The following PPP3CC variants were observed in gnomAD, a reference collection of about 807,000 sequenced individuals.
PPP3CC encodes protein phosphatase 3 catalytic subunit gamma.
In PPP3CC, 35 loss-of-function variants were observed where a neutral mutation model predicts 60.3. The ratio of observed to expected loss-of-function variants is 0.58; its 90% CI spans 0.44 to 0.77. The LOEUF (loss-of-function observed/expected upper bound fraction) is 0.77. Among genes scored for constraint, PPP3CC ranks in the 30% least tolerant of loss-of-function variants. The pLI is 0.00. For missense variants in PPP3CC, 570 were observed against 628.9 expected (o/e 0.91, Z 1.00); for synonymous variants, 206 against 224.3 (o/e 0.92, Z 0.73).
At chr8:22,493,398 A>AT (rs1838465871) in intron 3 of PPP3CC, among the ~76,000 whole-genome samples, 2 of 151,946 alleles carry the variant, frequency 1.3e-5, no homozygotes, top group East Asian at 1.9e-4. Context: ...AAGATTTTTA[A>AT]TTTTTTTAAC....
intron 1 of PPP3CC, among the ~76,000 whole-genome samples, chr8:22,470,709 G>A (rs527618341): frequency 2.6e-5 from 4 of 152,316 alleles, no homozygotes; most frequent in Non-Finnish European, 5.9e-5. Flanking sequence ...AGAACAAAGA[G>A]ATACCGGTAG....
At chr8:22,474,361 T>A (rs73227871) in intron 1 of PPP3CC, among the ~76,000 whole-genome samples, 2 of 152,100 alleles carry the variant, frequency 1.3e-5, no homozygotes. Flanking sequence ...GTGTCTTGTC[T>A]CATTTATAAC....
chr8:22,511,485 G>T (rs903074127), intron 5 of PPP3CC, among the ~76,000 whole-genome samples: 12 of 152,178 alleles, frequency 7.9e-5, no homozygotes, highest in African/African-American at 2.9e-4. Flanking sequence ...GGCCAGGCTG[G>T]TCTTGAACTC....
intron 1 of PPP3CC, among the ~76,000 whole-genome samples, chr8:22,457,314 C>G (rs929031284): frequency 6.9e-6 from 1 of 145,100 alleles, no homozygotes; most frequent in African/African-American, 2.6e-5. Context: ...AGCCCAAGTC[C>G]CATCTTCATT....
At chr8:22,474,135 T>A (rs1837815420) in intron 1 of PPP3CC, among the ~76,000 whole-genome samples, 1 of 151,974 alleles carries the variant, frequency 6.6e-6, no homozygotes, top group South Asian at 2.1e-4. Flanking sequence ...CCTCAAGTGA[T>A]CTGCCTGCCT....
At chr8:22,490,599 C>G (rs1329770091) in intron 3 of PPP3CC, among the ~76,000 whole-genome samples, 1 of 128,706 alleles carries the variant, frequency 7.8e-6, no homozygotes, top group Non-Finnish European at 1.6e-5. Flanking sequence ...CTATGCCTCC[C>G]CCCTCCCCCC....
At chr8:22,472,288 TTA>T (rs1270633798) in intron 1 of PPP3CC, among the ~76,000 whole-genome samples, 2 of 144,792 alleles carry the variant, frequency 1.4e-5, no homozygotes, top group Non-Finnish European at 2.9e-5. Context: ...TAATTTTTCT[TTA>T]TATCTTTATA....
intron 1 of PPP3CC, among the ~76,000 whole-genome samples, chr8:22,455,071 A>AAG (rs1837156052): frequency 6.6e-6 from 1 of 151,046 alleles, no homozygotes; most frequent in African/African-American, 2.5e-5. Flanking sequence ...AAAAAAAAAA[A>AAG]AAAGAAAGAA....
intron 3 of PPP3CC, 37 bp from the exon 4 acceptor site, chr8:22,497,964 T>G (rs746355498): frequency 7.0e-7 from 1 of 1,425,132 alleles, no homozygotes; most frequent in Middle Eastern, 1.9e-4. Context: ...ATTATAATGG[T>G]CACAAAGAAA....
intron 1 of PPP3CC, among the ~76,000 whole-genome samples, chr8:22,462,616 G>C (rs1322593730): frequency 3.3e-5 from 5 of 151,228 alleles, no homozygotes; most frequent in African/African-American, 1.2e-4. Context: ...TGTTGCCCAG[G>C]CTGGAGTGCG....
intron 1 of PPP3CC, among the ~76,000 whole-genome samples, chr8:22,473,032 G>GT (rs1475592903): frequency 6.6e-6 from 1 of 152,238 alleles, no homozygotes; most frequent in East Asian, 1.9e-4. Context: ...AGCTGCTATC[G>GT]TTTTTTCAGT....
At chr8:22,522,137 A>G (rs1383043774) in intron 6 of PPP3CC, among the ~76,000 whole-genome samples, 3 of 109,456 alleles carry the variant, frequency 2.7e-5, no homozygotes, top group Middle Eastern at 4.9e-3. Flanking sequence ...CTACACACAC[A>G]CGCACACACA....
At chr8:22,534,044 C>T (rs987909211) in intron 12 of PPP3CC, among the ~76,000 whole-genome samples, 3 of 151,368 alleles carry the variant, frequency 2.0e-5, no homozygotes, top group Non-Finnish European at 2.9e-5. Context: ...ACTAAAAATA[C>T]AAAAATTAGC....
chr8:22,441,693 G>T (rs531307336), intron 1 of PPP3CC, among the ~76,000 whole-genome samples: 81 of 152,284 alleles, frequency 5.3e-4, no homozygotes, highest in African/African-American at 1.9e-3. Flanking sequence ...AAGGGTTCAG[G>T]GTGCAGTGGG....
chr8:22,443,237 C>CT (rs937013006), intron 1 of PPP3CC, among the ~76,000 whole-genome samples: 2 of 151,980 alleles, frequency 1.3e-5, no homozygotes, highest in African/African-American at 4.8e-5. Context: ...AATGCAGGGG[C>CT]TAGGGGCAGG....
chr8:22,530,810 G>A (rs1229690188), intron 10 of PPP3CC, among the ~76,000 whole-genome samples: 6 of 119,846 alleles, frequency 5.0e-5, no homozygotes, highest in East Asian at 2.5e-4. Flanking sequence ...CCAGCCTGGC[G>A]ACAGAGCGAG....
At chr8:22,537,525 T>C (rs1296003293) in intron 12 of PPP3CC, among the ~76,000 whole-genome samples, 1 of 152,210 alleles carries the variant, frequency 6.6e-6, no homozygotes, top group Admixed American at 6.5e-5. Flanking sequence ...AAACATAGAA[T>C]TGACTTATTA....
intron 1 of PPP3CC, among the ~76,000 whole-genome samples, chr8:22,468,091 A>G (rs765418335): frequency 3.3e-5 from 5 of 152,112 alleles, no homozygotes; most frequent in Admixed American, 6.6e-5. Context: ...TTGAATCAGA[A>G]GTTTCTAGTC....
intron 12 of PPP3CC, among the ~76,000 whole-genome samples, chr8:22,537,658 A>G (rs544295139): frequency 6.6e-6 from 1 of 152,372 alleles, no homozygotes; most frequent in Non-Finnish European, 1.5e-5. Context: ...GAAAAAAGCA[A>G]TTGTCCATAA....
Sources: allele counts gnomAD v4.1 joint callset (sites outside exome capture counted in the v4.1 genomes callset), GRCh38; gene constraint gnomAD v4.1.1; transcripts MANE v1.5; gene names NCBI Gene and HGNC (gene_info 2026-07-23, HGNC 2026-07-21).